GPM6A: variants seen among roughly 807,000 people sequenced by gnomAD.
GPM6A encodes neuronal membrane glycoprotein M6-a.
A neutral mutation model predicts 32.1 loss-of-function variants in GPM6A; 7 were observed. The observed-to-expected ratio is 0.22, with a 90% confidence interval of 0.12 to 0.41. The LOEUF (loss-of-function observed/expected upper bound fraction) is 0.41. GPM6A is among the 10% of genes least tolerant of loss of function. The pLI is 1.00. For missense variants in GPM6A, 235 were observed against 347.2 expected (o/e 0.68, Z 2.57); for synonymous variants, 130 against 123.4 (o/e 1.05, Z -0.35).
chr4:175,885,629 T>C (rs955174653), intron 1 of GPM6A, among the ~76,000 whole-genome samples: 2 of 151,228 alleles, frequency 1.3e-5, no homozygotes, highest in East Asian at 3.9e-4. Context: ...ACACTCTGTC[T>C]CAAAAAAGAA....
intron 1 of GPM6A, among the ~76,000 whole-genome samples, chr4:175,788,956 G>GTTTCAT (rs1733905132): frequency 6.6e-6 from 1 of 152,058 alleles, no homozygotes; most frequent in African/African-American, 2.4e-5. Context: ...AACACTGCTG[G>GTTTCAT]TTTCATTTAC....
intron 1 of GPM6A, among the ~76,000 whole-genome samples, chr4:175,842,924 AATG>A (rs1171072402): frequency 6.6e-6 from 1 of 151,694 alleles, no homozygotes; most frequent in African/African-American, 2.4e-5. Flanking sequence ...TAATTATAAA[AATG>A]ATAATTCCTT....
rs1050480721 is a variant in GPM6A, at chr4:175,728,831, A to G, written c.38-27064T>C. Among the ~76,000 whole-genome samples the G allele has an allele frequency of 2.0e-5, 3 of 152,254 alleles. No homozygotes were observed. The South Asian group carries it at 6.2e-4, about 32-fold the overall frequency. On this transcript the variant is annotated intron_variant, in intron 1 of 6. Transcript: ENST00000393658. ...TGTCTGAAGGTGTATTCAGCCTCAC[A>G]AATACTTTTTCTGCTACTGAGGCAA...
chr4:175,712,350 G>A (rs1745602007), intron 1 of GPM6A, among the ~76,000 whole-genome samples: 1 of 152,182 alleles, frequency 6.6e-6, no homozygotes, highest in Non-Finnish European at 1.5e-5. Flanking sequence ...AGAGCCAGGA[G>A]GCCTGATGCT....
intron 1 of GPM6A, among the ~76,000 whole-genome samples, chr4:175,869,788 A>T (rs1262659188): frequency 1.3e-5 from 2 of 152,124 alleles, no homozygotes; most frequent in Non-Finnish European, 1.5e-5. Context: ...AAACAAAAAA[A>T]AATACTAACA....
upstream of GPM6A, among the ~76,000 whole-genome samples, chr4:175,814,307 C>T (rs1055563851): frequency 4.6e-5 from 7 of 152,088 alleles, no homozygotes; most frequent in Non-Finnish European, 1.0e-4. Flanking sequence ...AAACAAAAAA[C>T]ACGGATGCTC....
intron 2 of GPM6A, among the ~76,000 whole-genome samples, chr4:175,674,112 C>G (rs1396982311): frequency 6.6e-6 from 1 of 152,156 alleles, no homozygotes; most frequent in Non-Finnish European, 1.5e-5. Flanking sequence ...CTGGTTCACA[C>G]CAAAGTAAGC....
intron 1 of GPM6A, among the ~76,000 whole-genome samples, chr4:175,838,520 C>T (rs1560958893): frequency 6.6e-6 from 1 of 151,386 alleles, no homozygotes; most frequent in Non-Finnish European, 1.5e-5. Flanking sequence ...TAAAGCAGTA[C>T]TGAATATAAA....
chr4:175,658,652 G>A (rs1206171092), intron 3 of GPM6A, among the ~76,000 whole-genome samples: 2 of 152,132 alleles, frequency 1.3e-5, no homozygotes, highest in South Asian at 2.1e-4. Flanking sequence ...TAGTGATAAC[G>A]GGAGTCTATC....
chr4:175,974,654 T>C (rs1740606882), intron 1 of GPM6A, among the ~76,000 whole-genome samples: 1 of 152,114 alleles, frequency 6.6e-6, no homozygotes. Context: ...TATTTATGTC[T>C]TCCAGACACC....
intron 1 of GPM6A, among the ~76,000 whole-genome samples, chr4:175,870,562 T>C (rs1356432775): frequency 6.6e-6 from 1 of 152,214 alleles, no homozygotes; most frequent in Non-Finnish European, 1.5e-5. Flanking sequence ...CTAAATCTCA[T>C]GGCTCTCCTT....
intron 1 of GPM6A, among the ~76,000 whole-genome samples, chr4:175,772,128 C>T (rs1733216611): frequency 6.6e-6 from 1 of 152,208 alleles, no homozygotes; most frequent in Admixed American, 6.5e-5. Flanking sequence ...ATGTTTCCTA[C>T]ACACCTTCTT....
rs74650015 is a variant in GPM6A, at chr4:175,905,839, T to G, written c.-22-93590A>C. ...CCTTTAATTGTGAAGATGCAATGCC[T>G]TTTGTCCTTTCGTCATTAAGAAAAA... On this transcript the variant is annotated intron_variant, in intron 1 of 7. Transcript: ENST00000280187. Among the ~76,000 whole-genome samples, 485 of 152,252 alleles carry G rather than the reference T, an allele frequency of 3.2e-3. 4 individuals carry two copies. Among genetic ancestry groups the G allele is most frequent in the African/African-American group, 0.011 (449 of 41,546 alleles).
chr4:175,936,305 C>CAAAAAA (rs1739226162), intron 1 of GPM6A, among the ~76,000 whole-genome samples: 1 of 39,742 alleles, frequency 2.5e-5, no homozygotes, highest in South Asian at 3.0e-3. Flanking sequence ...GACTCTGTCT[C>CAAAAAA]CAAAAAAAAA....
chr4:175,641,970 G>A (rs773467161), intron 4 of GPM6A: 2 of 152,108 alleles, frequency 1.3e-5, no homozygotes, highest in African/African-American at 4.8e-5. Flanking sequence ...ATTACAGGTA[G>A]GAGCCACGGT....
At chr4:175,830,236 CT>C (rs1313928382) in intron 1 of GPM6A, among the ~76,000 whole-genome samples, 1 of 152,080 alleles carries the variant, frequency 6.6e-6, no homozygotes, top group African/African-American at 2.4e-5. Context: ...ATGAAAATCA[CT>C]TTGTTTTTTA....
chr4:175,966,934 G>A (rs1367553688), intron 1 of GPM6A, among the ~76,000 whole-genome samples: 1 of 152,050 alleles, frequency 6.6e-6, no homozygotes, highest in Non-Finnish European at 1.5e-5. Context: ...AATAGGAGTG[G>A]AGGGAATATT....
At chr4:175,863,988 G>A (rs1222046298) in intron 1 of GPM6A, among the ~76,000 whole-genome samples, 1 of 151,752 alleles carries the variant, frequency 6.6e-6, no homozygotes, top group Non-Finnish European at 1.5e-5. Context: ...ACAACAGAGA[G>A]AGACCCTGTC....
chr4:175,835,627 G>GTGTATATA (rs1553994100), intron 1 of GPM6A, among the ~76,000 whole-genome samples: 6 of 138,628 alleles, frequency 4.3e-5, no homozygotes, highest in Admixed American at 1.5e-4. Context: ...GTGAGTGTGT[G>GTGTATATA]TATATATATA....
Sources: allele counts gnomAD v4.1 joint callset (sites outside exome capture counted in the v4.1 genomes callset), GRCh38; gene constraint gnomAD v4.1.1; transcripts MANE v1.5; gene names NCBI Gene and HGNC (gene_info 2026-07-23, HGNC 2026-07-21).